SUGCT: variants seen among roughly 807,000 people sequenced by gnomAD.
SUGCT encodes succinyl-CoA:glutarate-CoA transferase.
Under a neutral mutation model 55.0 loss-of-function variants are expected in SUGCT, and 41 were observed. That is an observed-to-expected ratio of 0.74 (90% CI 0.58 to 0.97). SUGCT has a LOEUF of 0.97. Among genes scored for constraint, SUGCT ranks in the 50% least tolerant of loss-of-function variants. The pLI, the probability that SUGCT is intolerant of heterozygous loss-of-function variation, is 0.00. For missense variants in SUGCT, 568 were observed against 547.8 expected, an observed-to-expected ratio of 1.04 and a Z score of -0.37; for synonymous variants, 187 against 200.4, an observed-to-expected ratio of 0.93 and a Z score of 0.56.
intron 12 of SUGCT, among the ~76,000 whole-genome samples, chr7:40,646,409 A>G (rs147488760): frequency 6.6e-6 from 1 of 152,300 alleles, no homozygotes; most frequent in East Asian, 1.9e-4. Flanking sequence ...AAAACCCATC[A>G]ATGCCTTCTC....
At chr7:40,738,997 A>G (rs938376752) in intron 12 of SUGCT, among the ~76,000 whole-genome samples, 8 of 152,214 alleles carry the variant, frequency 5.3e-5, no homozygotes, top group Admixed American at 5.2e-4. Flanking sequence ...CTCTCACATT[A>G]TACCCACAGG....
At chr7:41,007,557 T>C in the SUGCT span, among the ~76,000 whole-genome samples, 54 of 152,316 alleles carry the variant, frequency 3.5e-4, no homozygotes, top group Non-Finnish European at 4.6e-4. Context: ...ATCTAATTTC[T>C]CTGCTCTGGA....
intron 7 of SUGCT, among the ~76,000 whole-genome samples, chr7:40,255,077 A>G (rs1442047719): frequency 6.6e-6 from 1 of 150,670 alleles, no homozygotes. Flanking sequence ...AAAACAGAAA[A>G]TTAGCCATGC....
intron 6 of SUGCT, among the ~76,000 whole-genome samples, chr7:40,201,276 A>G (rs187883982): frequency 6.6e-6 from 1 of 152,310 alleles, no homozygotes; most frequent in Admixed American, 6.5e-5. Flanking sequence ...GTAAAATGGG[A>G]TAACAATCAG....
chr7:40,909,227 G>A, the SUGCT span, among the ~76,000 whole-genome samples: 1 of 152,134 alleles, frequency 6.6e-6, no homozygotes, highest in African/African-American at 2.4e-5. Context: ...CTGGAGCTCT[G>A]CCAAGGACAG....
At chr7:40,898,159 T>C in the SUGCT span, among the ~76,000 whole-genome samples, 3 of 149,040 alleles carry the variant, frequency 2.0e-5, no homozygotes, top group Admixed American at 1.3e-4. Context: ...CCAGTAGTGA[T>C]GAACTTAAGT....
chr7:40,332,459 T>TG (rs984966788), intron 9 of SUGCT, among the ~76,000 whole-genome samples: 140 of 151,966 alleles, frequency 9.2e-4, no homozygotes, highest in African/African-American at 3.1e-3. Flanking sequence ...TTTTTTGTTT[T>TG]TTTTTTTTTA....
the SUGCT span, among the ~76,000 whole-genome samples, chr7:40,876,747 C>T: frequency 6.6e-6 from 1 of 152,004 alleles, no homozygotes; most frequent in Non-Finnish European, 1.5e-5. Flanking sequence ...TGGTGGAGGC[C>T]TTTGGGGTGG....
At chr7:40,564,220 A>C (rs1796001811) in intron 12 of SUGCT, among the ~76,000 whole-genome samples, 1 of 152,054 alleles carries the variant, frequency 6.6e-6, no homozygotes, top group South Asian at 2.1e-4. Context: ...AAAAAAATAC[A>C]AAAAAATTAG....
At chr7:40,679,330 T>C (rs1003727943) in intron 12 of SUGCT, among the ~76,000 whole-genome samples, 1 of 152,142 alleles carries the variant, frequency 6.6e-6, no homozygotes, top group African/African-American at 2.4e-5. Context: ...ATTTTTTCCA[T>C]GCTAGCCCAC....
chr7:40,601,176 G>C (rs1002616757), intron 12 of SUGCT, among the ~76,000 whole-genome samples: 3 of 152,192 alleles, frequency 2.0e-5, no homozygotes, highest in African/African-American at 7.2e-5. Flanking sequence ...AAATAGTTCA[G>C]TATTTGCTAT....
At chr7:40,504,145 G>T (rs892380754) in intron 12 of SUGCT, among the ~76,000 whole-genome samples, 31 of 152,170 alleles carry the variant, frequency 2.0e-4, no homozygotes, top group African/African-American at 7.5e-4. Context: ...TATAACATGA[G>T]TAAGTTCTGG....
intron 9 of SUGCT, among the ~76,000 whole-genome samples, chr7:40,389,631 A>G (rs1237760610): frequency 6.6e-6 from 1 of 152,222 alleles, no homozygotes; most frequent in African/African-American, 2.4e-5. Context: ...ACAAAGCAAT[A>G]AGGTAAATAT....
rs754349118 is a variant in SUGCT, at chr7:40,860,746, A to T, written c.*267A>T. The stretch of plus-strand genomic sequence containing the variant: ...TGGGATTTTTAAAAATAAAGTTTTA[A>T]TTTTTTTCCTGGAAAAATGCACTCC... On this transcript the variant is annotated 3_prime_UTR_variant, in exon 14 of 14. Transcript: ENST00000335693. 6.7e-6 allele frequency: 2 copies of T among 296,556 alleles called. No homozygotes were observed. The highest frequency in any genetic ancestry group is 2.2e-5 in the African/African-American group (1 of 46,312). The allele number at this position is 296,556 out of a possible 1,614,324, so 18.4% of individuals were successfully genotyped here. A position where few individuals can be genotyped will look rare whatever the true frequency, so the allele number is the denominator to read the frequency against.
chr7:40,893,884 A>T, the SUGCT span, among the ~76,000 whole-genome samples: 2 of 152,050 alleles, frequency 1.3e-5, no homozygotes, highest in Non-Finnish European at 2.9e-5. Flanking sequence ...AACATGGCAA[A>T]ACCCCATCTC....
At chr7:40,672,070 A>T (rs2151872175) in intron 12 of SUGCT, among the ~76,000 whole-genome samples, 1 of 152,344 alleles carries the variant, frequency 6.6e-6, no homozygotes, top group Non-Finnish European at 1.5e-5. Context: ...GTGCAAAAGC[A>T]ATTCAGTAGG....
chr7:40,953,779 C>T, the SUGCT span, among the ~76,000 whole-genome samples: 1 of 152,344 alleles, frequency 6.6e-6, no homozygotes, highest in East Asian at 1.9e-4. Context: ...TATTGCTGAA[C>T]AGCAAATGTT....
chr7:40,335,159 T>G (rs958456254), intron 9 of SUGCT, among the ~76,000 whole-genome samples: 31 of 152,248 alleles, frequency 2.0e-4, no homozygotes, highest in Admixed American at 1.5e-3. Context: ...ACTGTAGCCT[T>G]GTAGTATAGT....
chr7:40,268,406 T>C (rs1350487056), intron 7 of SUGCT, among the ~76,000 whole-genome samples: 3 of 152,230 alleles, frequency 2.0e-5, no homozygotes, highest in Non-Finnish European at 4.4e-5. Flanking sequence ...TTAAAGTGCT[T>C]CCATGTATTA....
Sources: gnomAD v4.1 joint callset for allele counts (sites outside exome capture counted in the v4.1 genomes callset) on GRCh38, gnomAD v4.1.1 for gene constraint, MANE v1.5 for transcripts, NCBI Gene and HGNC (gene_info 2026-07-23, HGNC 2026-07-21) for gene names.